C1QTNF3: variants seen among roughly 807,000 people sequenced by gnomAD.
C1QTNF3 encodes the protein complement C1q tumor necrosis factor-related protein 3.
Under a neutral mutation model 32.6 loss-of-function variants are expected in C1QTNF3, and 26 were observed. The ratio of observed to expected loss-of-function variants is 0.80; its 90% CI spans 0.58 to 1.11. The LOEUF (loss-of-function observed/expected upper bound fraction) is 1.11, where lower values mean the gene tolerates loss of function less well. Ranked by LOEUF, C1QTNF3 falls within the 50% of genes least tolerant of loss-of-function variation. The pLI is 0.00. For synonymous variants in C1QTNF3, 155 were observed against 146.0 expected, an observed-to-expected ratio of 1.06 and a Z score of -0.44; for missense variants, 362 against 398.2, an observed-to-expected ratio of 0.91 and a Z score of 0.77.
At chr5:34,194,719 C>A in the C1QTNF3 span, among the ~76,000 whole-genome samples, 209 of 152,336 alleles carry the variant, frequency 1.4e-3, no homozygotes, top group African/African-American at 4.9e-3. Flanking sequence ...TAGGAATATA[C>A]AGTCAGCCCT....
At chr5:34,030,273 C>T (rs1446662533) in intron 3 of C1QTNF3, among the ~76,000 whole-genome samples, 2 of 152,150 alleles carry the variant, frequency 1.3e-5, no homozygotes, top group East Asian at 1.9e-4. Flanking sequence ...TTTTAAGGGA[C>T]TTTGAAAGCC....
chr5:34,144,161 AATT>A, the C1QTNF3 span, among the ~76,000 whole-genome samples: 2 of 152,138 alleles, frequency 1.3e-5, no homozygotes, highest in African/African-American at 4.8e-5. Flanking sequence ...AACCAATAAT[AATT>A]AAGAAAGGCA....
the C1QTNF3 span, among the ~76,000 whole-genome samples, chr5:34,147,443 A>C: frequency 6.6e-6 from 1 of 152,226 alleles, no homozygotes; most frequent in African/African-American, 2.4e-5. Flanking sequence ...TCGGGTAAAG[A>C]AAATGTGGTA....
intron 1 of C1QTNF3, among the ~76,000 whole-genome samples, chr5:34,039,631 C>A (rs1014673260): frequency 6.6e-6 from 1 of 152,148 alleles, no homozygotes; most frequent in Non-Finnish European, 1.5e-5. Flanking sequence ...CATCCCCATG[C>A]GGTATGTGTG....
chr5:34,154,086 C>T, the C1QTNF3 span, among the ~76,000 whole-genome samples: 73,755 of 151,152 alleles, frequency 0.49, 20,256 homozygotes, highest in Non-Finnish European at 0.61. Context: ...CTATCTAATA[C>T]CAATGAGAGT....
At chr5:34,173,329 T>C in the C1QTNF3 span, among the ~76,000 whole-genome samples, 1 of 151,428 alleles carries the variant, frequency 6.6e-6, no homozygotes, top group African/African-American at 2.4e-5. Context: ...AATTGAGGGA[T>C]GTATAATATT....
chr5:34,158,154 T>A, the C1QTNF3 span: 1 of 150,710 alleles, frequency 6.6e-6, no homozygotes, highest in Non-Finnish European at 1.5e-5. Context: ...TCGCACAGGC[T>A]GGAGTACAGT....
chr5:34,064,336 G>A, the C1QTNF3 span, among the ~76,000 whole-genome samples: 1 of 152,192 alleles, frequency 6.6e-6, no homozygotes, highest in Non-Finnish European at 1.5e-5. Context: ...CCAAGATGTG[G>A]CGGGCCACTC....
chr5:34,139,215 T>C, the C1QTNF3 span, among the ~76,000 whole-genome samples: 1 of 151,978 alleles, frequency 6.6e-6, no homozygotes, highest in African/African-American at 2.4e-5. Flanking sequence ...TGTGTGCTTA[T>C]ATATACTTAC....
the C1QTNF3 span, among the ~76,000 whole-genome samples, chr5:34,207,955 T>G: frequency 1.3e-5 from 2 of 150,336 alleles, no homozygotes; most frequent in African/African-American, 5.0e-5. Flanking sequence ...GCCCGGCTAA[T>G]TTTTTTTGTA....
chr5:34,133,916 G>C, the C1QTNF3 span, among the ~76,000 whole-genome samples: 1 of 152,142 alleles, frequency 6.6e-6, no homozygotes, highest in Non-Finnish European at 1.5e-5. Context: ...CAGTAATTAA[G>C]GTAATCTTTA....
chr5:34,147,261 A>G, the C1QTNF3 span, among the ~76,000 whole-genome samples: 2 of 152,226 alleles, frequency 1.3e-5, no homozygotes, highest in Non-Finnish European at 2.9e-5. Flanking sequence ...GATTTCTCAA[A>G]GAACTTATCA....
chr5:34,159,363 GTC>G, the C1QTNF3 span, among the ~76,000 whole-genome samples: 10 of 151,908 alleles, frequency 6.6e-5, no homozygotes, highest in East Asian at 5.8e-4. Flanking sequence ...TTATTTTAAT[GTC>G]TCTTTTTTAC....
intron 1 of C1QTNF3, among the ~76,000 whole-genome samples, chr5:34,037,425 C>T (rs949051625): frequency 2.6e-5 from 4 of 152,194 alleles, no homozygotes; most frequent in African/African-American, 9.7e-5. Context: ...CTGGATCAAA[C>T]TTCACACAGT....
the C1QTNF3 span, among the ~76,000 whole-genome samples, chr5:34,080,574 G>A: frequency 6.6e-6 from 1 of 151,758 alleles, no homozygotes; most frequent in Non-Finnish European, 1.5e-5. Flanking sequence ...CTGTTAAAGA[G>A]TAGTGATGAG....
chr5:34,103,898 T>C, the C1QTNF3 span, among the ~76,000 whole-genome samples: 1 of 152,128 alleles, frequency 6.6e-6, no homozygotes, highest in African/African-American at 2.4e-5. Context: ...ACTTCCTGCA[T>C]AGAGATTACG....
At chr5:34,023,633 T>A (rs546797196) in intron 5 of C1QTNF3, among the ~76,000 whole-genome samples, 4 of 152,256 alleles carry the variant, frequency 2.6e-5, no homozygotes, top group African/African-American at 9.6e-5. Context: ...AGAAAAATAA[T>A]GAGTTATAAA....
the C1QTNF3 span, among the ~76,000 whole-genome samples, chr5:34,061,240 G>C: frequency 1.2e-4 from 18 of 152,268 alleles, no homozygotes; most frequent in Admixed American, 8.5e-4. Context: ...CATGGTACTG[G>C]GCAGCTTGGC....
At chr5:34,160,335 A>G in the C1QTNF3 span, among the ~76,000 whole-genome samples, 185 of 152,326 alleles carry the variant, frequency 1.2e-3, 1 homozygote, top group East Asian at 0.034. Context: ...CCTCAAAAGG[A>G]TATTGCCCCA....
Sources: allele counts gnomAD v4.1 joint callset (sites outside exome capture counted in the v4.1 genomes callset), GRCh38; gene constraint gnomAD v4.1.1; transcripts MANE v1.5; gene names NCBI Gene and HGNC (gene_info 2026-07-23, HGNC 2026-07-21).